FCMR: variants seen among roughly 807,000 people sequenced by gnomAD.
The protein encoded by FCMR is immunoglobulin mu Fc receptor.
A neutral mutation model predicts 41.6 loss-of-function variants in FCMR; 34 were observed. The observed-to-expected ratio is 0.82, with a 90% CI of 0.62 to 1.09. The LOEUF (loss-of-function observed/expected upper bound fraction) is 1.09. Ranked by LOEUF, FCMR falls within the 50% of genes least tolerant of loss-of-function variation. FCMR has a pLI of 0.00. For missense variants in FCMR, 496 were observed against 512.5 expected (o/e 0.97, Z 0.31); for synonymous variants, 209 against 211.8 (o/e 0.99, Z 0.12).
At position 206,913,965 on chromosome 1, in the gene FCMR, C is replaced by T. The variant is rs1249164453; in HGVS notation, c.167G>A (p.Gly56Glu). Residue 56 changes from glycine to glutamate, a missense_variant, in exon 2 of 8, where the codon GGA becomes GAA. Transcript: ENST00000367091. The part of the protein sequence containing the change: ...IYLCREMAGS[G>E]TCGTVVSTTN... ...GGTGGATACCACGGTACCACATGTTCCAGATCCAGCCATCTCCCGGCACAG... is the reference window on the plus strand; with the variant it reads ...GGTGGATACCACGGTACCACATGTTTCAGATCCAGCCATCTCCCGGCACAG... 5 of 1,614,226 alleles carry T rather than the reference C, an allele frequency of 3.1e-6. No individual in the cohort carries two copies. The highest frequency in any genetic ancestry group is 1.3e-5 in the African/African-American group (1 of 75,044).
intron 1 of FCMR, among the ~76,000 whole-genome samples, chr1:206,914,340 T>TTTTCTTTC (rs1553237688): frequency 6.7e-6 from 1 of 148,908 alleles, no homozygotes; most frequent in Non-Finnish European, 1.5e-5. Flanking sequence ...CTTCCTTCCT[T>TTTTCTTTC]CCTTCCTTCC....
chr1:206,906,781 G>T (rs1572615505), intron 7 of FCMR, among the ~76,000 whole-genome samples: 1 of 151,972 alleles, frequency 6.6e-6, no homozygotes, highest in South Asian at 2.1e-4. Context: ...TGGTCACAGG[G>T]CAGTTTTAGA....
At chr1:206,907,408 C>T (rs1572616858) in intron 7 of FCMR, among the ~76,000 whole-genome samples, 1 of 152,120 alleles carries the variant, frequency 6.6e-6, no homozygotes, top group Admixed American at 6.5e-5. Context: ...CAGAGGATGG[C>T]GCAGCAACCA....
rs553385945 is a variant in FCMR at position 206,904,473 on chromosome 1, G to A, written c.*546C>T. 11 of 155,382 alleles carry A rather than the reference G, an allele frequency of 7.1e-5. No homozygotes were observed. Among genetic ancestry groups the A allele is most frequent in the African/African-American group, 2.4e-4 (10 of 41,550 alleles). 9.6% of individuals were successfully genotyped at this position (155,382 alleles called of 1,614,324 possible). The stretch of plus-strand genomic sequence containing the variant: ...AGCATAGAACTTGAGATAAGTAGAC[G>A]TTCACTAGCAAGTGCTAACATTTGG... On this transcript the variant is annotated 3_prime_UTR_variant, in exon 8 of 8. Transcript: ENST00000367091.
At chr1:206,911,146 C>T (rs766498794) in intron 4 of FCMR, among the ~76,000 whole-genome samples, 3 of 152,294 alleles carry the variant, frequency 2.0e-5, no homozygotes, top group Admixed American at 6.5e-5. Flanking sequence ...CCCAGTTTCT[C>T]CTACCTATAG....
intron 7 of FCMR, among the ~76,000 whole-genome samples, chr1:206,908,583 T>C (rs1216566219): frequency 2.6e-5 from 4 of 152,166 alleles, no homozygotes. Flanking sequence ...GTGCAAGCGC[T>C]TGGGGACAAC....
At chr1:206,921,696 G>A in intron 1 of FCMR, 122 bp downstream of exon 1, 1 of 902,060 alleles carries the variant, frequency 1.1e-6, no homozygotes, top group Non-Finnish European at 1.8e-6. Context: ...TCCTGCCCTA[G>A]GTGTTGGTTC....
chr1:206,907,725 T>C, intron 7 of FCMR: 2 of 958,914 alleles, frequency 2.1e-6, no homozygotes, highest in South Asian at 2.6e-5. Flanking sequence ...GTGGTTGTCG[T>C]ACGCTGGGAG....
At chr1:206,906,251 G>A in intron 7 of FCMR, 1 of 407,586 alleles carries the variant, frequency 2.5e-6, no homozygotes, top group East Asian at 7.1e-5. Flanking sequence ...ACAGAGAAAT[G>A]AGAGATGATC....
chr1:206,913,845 T>C lies in FCMR; in HGVS notation c.287A>G (p.Glu96Gly). 6.2e-7 allele frequency: 1 copy of C among 1,614,222 alleles called. No individual in the cohort carries two copies. Among genetic ancestry groups the C allele is most frequent in the Non-Finnish European group, 8.5e-7 (1 of 1,180,024 alleles). Residue 96 changes from glutamate (E) to glycine (G), a missense_variant, in exon 2 of 8, where the codon GAA becomes GGA. By Grantham distance (98) the Glu-to-Gly change is moderately conservative (BLOSUM62 -2). Coordinates refer to ENST00000367091, the MANE Select transcript of FCMR (RefSeq NM_005449.5). ...LFLVEVTQLT[E>G]SDSGVYACGA... ...GCAGGCATAGACTCCGCTGTCACTT[T>C]CTGTCAGCTGTGTTACCTCCACTAG...
At chr1:206,922,510 C>G (rs1424259415), upstream of FCMR, among the ~76,000 whole-genome samples, 1 of 152,204 alleles carries the variant, frequency 6.6e-6, no homozygotes, top group African/African-American at 2.4e-5. Flanking sequence ...CTAGATGATC[C>G]CTGCCATTCC....
At chr1:206,921,128 T>G (rs575049194) in intron 1 of FCMR, among the ~76,000 whole-genome samples, 3 of 152,172 alleles carry the variant, frequency 2.0e-5, no homozygotes, top group Non-Finnish European at 4.4e-5. Context: ...GGAAATAGAT[T>G]AGAGCTACTG....
chr1:206,914,415 C>A (rs1213629923), intron 1 of FCMR, among the ~76,000 whole-genome samples: 1 of 137,746 alleles, frequency 7.3e-6, no homozygotes, highest in Non-Finnish European at 1.5e-5. Context: ...TTCTTTCCTT[C>A]CTTCCTTCCT....
chr1:206,909,833 T>C lies in FCMR; in HGVS notation c.877A>G (p.Met293Val). ...CTCTGGGAGCTCTCCAGGGCGCGCA[T>C]CCTCACGGCCAGTCGGCGGGCCCGC... Reference protein sequence around the residue: ...SRRARRLAVRMRALESSQRPR... With the variant: ...SRRARRLAVRVRALESSQRPR... Residue 293 changes from methionine (M) to valine (V), a missense_variant, in exon 6 of 8, where the codon ATG becomes GTG. Transcript: ENST00000367091. The surrounding 1 kb of genome is among the most constrained non-coding windows in gnomAD (Gnocchi z 5.0). 7.2e-7 allele frequency: 1 copy of C among 1,398,080 alleles called. No individual in the cohort carries two copies. The highest frequency in any genetic ancestry group is 1.6e-5 in the South Asian group (1 of 61,824). The allele number at this position is 1,398,080 out of a possible 1,614,324, so 86.6% of individuals were successfully genotyped here.
At position 206,909,873 on chromosome 1, in the gene FCMR, C is replaced by G; in HGVS notation, c.842-5G>C. On this transcript the variant is annotated splice_polypyrimidine_tract_variant and splice_region_variant and intron_variant, in intron 5 of 7. Coordinates refer to ENST00000367091, the MANE Select transcript of FCMR (RefSeq NM_005449.5). This position sits in a 1 kb window ranked among gnomAD's most constrained non-coding sequence, Gnocchi z 5.0. The stretch of plus-strand genomic sequence containing the variant: ...GGCGGGCCCGCCTGGAGAGGGCTTC[C>G]CCACAAAGCCACGGGAAGAGGGAGG... 1.5e-6 allele frequency: 2 copies of G among 1,375,266 alleles called. No individual in the cohort carries two copies. Among genetic ancestry groups the G allele is most frequent in the South Asian group, 3.5e-5 (2 of 57,930 alleles). 85.2% of individuals were successfully genotyped at this position (1,375,266 alleles called of 1,614,324 possible).
At chr1:206,905,893 AAGC>A in intron 7 of FCMR, 1 of 167,960 alleles carries the variant, frequency 6.0e-6, no homozygotes, top group Non-Finnish European at 1.3e-5. Flanking sequence ...CTAAAGAGGG[AAGC>A]AGCAGCAGCT....
At chr1:206,912,622 G>A (rs937685203) in intron 3 of FCMR, among the ~76,000 whole-genome samples, 3 of 152,200 alleles carry the variant, frequency 2.0e-5, no homozygotes, top group Non-Finnish European at 2.9e-5. Context: ...CTTGGTTTCC[G>A]CAGTCATTCA....
At position 206,909,402 on chromosome 1, in the gene FCMR, C is replaced by G. The variant is rs997326996; in HGVS notation, c.1044+60G>C. 5 of 1,085,916 alleles carry G rather than the reference C, an allele frequency of 4.6e-6. No individual in the cohort carries two copies. The highest frequency in any genetic ancestry group is 5.9e-6 in the Non-Finnish European group (5 of 853,702). 67.3% of individuals were successfully genotyped at this position (1,085,916 alleles called of 1,614,324 possible). ...CGGGAAGCCACACTCGGGTCCCCGC[C>G]CAGGGCTGGGGCCGCCCAGTCGGGC... On this transcript the variant is annotated intron_variant, in intron 7 of 7. Transcript: ENST00000367091. The surrounding 1 kb of genome is among the most constrained non-coding windows in gnomAD (Gnocchi z 5.0).
Position 206,904,931 on chromosome 1 carries a change from C to T in FCMR, c.*88G>A. ...GGAAGTGATGAGGGCTCTGAGAACACATGAAGCAGGTATTGGACATCAGCA... is the reference window on the plus strand; with the variant it reads ...GGAAGTGATGAGGGCTCTGAGAACATATGAAGCAGGTATTGGACATCAGCA... On this transcript the variant is annotated 3_prime_UTR_variant, in exon 8 of 8. Transcript: ENST00000367091. The T allele has an allele frequency of 7.4e-7, 1 of 1,358,302 alleles. No homozygotes were observed. The highest frequency in any genetic ancestry group is 1.0e-6 in the Non-Finnish European group (1 of 955,086). 84.1% of individuals were successfully genotyped at this position (1,358,302 alleles called of 1,614,324 possible).
Sources: gnomAD v4.1 joint callset for allele counts (sites outside exome capture counted in the v4.1 genomes callset) on GRCh38, gnomAD v4.1.1 for gene constraint, Gnocchi (gnomAD v3.1) non-coding constraint, MANE v1.5 for transcripts, NCBI Gene and HGNC (gene_info 2026-07-23, HGNC 2026-07-21) for gene names.